AFMID: variants seen among roughly 807,000 people sequenced by gnomAD.
The protein encoded by AFMID is kynurenine formamidase.
In AFMID, 39 loss-of-function variants were observed where a neutral mutation model predicts 47.5. The ratio of observed to expected loss-of-function variants is 0.82; its 90% CI spans 0.64 to 1.07. The LOEUF is 1.07. AFMID is among the 50% of genes least tolerant of loss of function. AFMID has a pLI of 0.00. For synonymous variants in AFMID, 130 were observed against 153.2 expected, an observed-to-expected ratio of 0.85 and a Z score of 1.12; for missense variants, 375 against 387.5, an observed-to-expected ratio of 0.97 and a Z score of 0.27.
At chr17:78,197,337 G>C in intron 2 of AFMID, 1 of 805,744 alleles carries the variant, frequency 1.2e-6, no homozygotes, top group Admixed American at 2.6e-5. Flanking sequence ...CTGAGAGTGC[G>C]TCCTACAGAT....
rs201473119 is a variant in AFMID at position 78,205,558 on chromosome 17, G to A, written c.644+40G>A. ...CACCACCTCCCCTGGCTCACCAGGA[G>A]CCTGGCTCCTCTCTGTCCTGACCCC... On this transcript the variant is annotated intron_variant, in intron 8 of 10. Transcript: ENST00000409257. 1.1e-4 allele frequency: 177 copies of A among 1,614,102 alleles called. No individual in the cohort carries two copies. In the African/African-American group the frequency reaches 2.2e-3, roughly 20 times the overall value.
At chr17:78,187,542 C>T in intron 1 of AFMID, 109 bp downstream of exon 1, 1 of 1,260,644 alleles carries the variant, frequency 7.9e-7, no homozygotes, top group Non-Finnish European at 1.1e-6. Flanking sequence ...CTCCTGTGGG[C>T]ATGCAGAGCG....
chr17:78,199,765 G>A (rs375067872), intron 2 of AFMID, among the ~76,000 whole-genome samples: 134 of 152,272 alleles, frequency 8.8e-4, no homozygotes, highest in South Asian at 6.0e-3. Context: ...GTTAATACAC[G>A]GAGCCCTTTC....
At chr17:78,196,157 G>A (rs2076107733) in intron 2 of AFMID, among the ~76,000 whole-genome samples, 1 of 152,142 alleles carries the variant, frequency 6.6e-6, no homozygotes, top group Non-Finnish European at 1.5e-5. Flanking sequence ...TTGAGGTCAA[G>A]AGTTCACGGC....
intron 2 of AFMID, chr17:78,197,329 G>C: frequency 1.1e-6 from 1 of 881,696 alleles, no homozygotes; most frequent in Non-Finnish European, 1.7e-6. Flanking sequence ...TTCTACCCCT[G>C]AGAGTGCGTC....
At chr17:78,205,806 T>C (rs756933901) in intron 9 of AFMID, 68 bp downstream of exon 9, 68 of 1,600,632 alleles carry the variant, frequency 4.2e-5, no homozygotes, top group Non-Finnish European at 5.2e-5. Flanking sequence ...CCTCTTTCTT[T>C]TACCCAAGTG....
intron 7 of AFMID, 43 bp from the exon 8 acceptor site, chr17:78,205,395 GCT>G: frequency 6.2e-7 from 1 of 1,607,896 alleles, no homozygotes. Flanking sequence ...GCCCTGCCTT[GCT>G]CCGCCTGGAG....
intron 2 of AFMID, among the ~76,000 whole-genome samples, chr17:78,199,370 T>G (rs2076191589): frequency 7.3e-6 from 1 of 137,676 alleles, no homozygotes; most frequent in African/African-American, 2.9e-5. Context: ...AGCACGGTTG[T>G]TTTTTTTTTT....
At chr17:78,206,096 T>C (rs1229158355) in intron 10 of AFMID, 46 bp downstream of exon 10, 2 of 1,545,704 alleles carry the variant, frequency 1.3e-6, no homozygotes, top group Admixed American at 1.7e-5. Flanking sequence ...ACAGCACAGG[T>C]CCTGTCGCAG....
intron 2 of AFMID, among the ~76,000 whole-genome samples, chr17:78,195,229 C>G (rs2076080985): frequency 6.6e-6 from 1 of 151,020 alleles, no homozygotes. Context: ...GAGTCTCACT[C>G]TGTTGCCCAG....
intron 2 of AFMID, among the ~76,000 whole-genome samples, chr17:78,194,197 G>A (rs187490330): frequency 6.6e-6 from 1 of 151,004 alleles, no homozygotes; most frequent in African/African-American, 2.4e-5. Context: ...TGCAACCTCT[G>A]CCTCCTGGGT....
rs369450301 is a variant in AFMID, at chr17:78,191,080, G to A, written c.154+20G>A. The stretch of plus-strand genomic sequence containing the variant: ...TTGAAGGTACTAGTGTGACCTCTCC[G>A]TGGCCGCATTGGGTGTCCTTAAGCA... On this transcript the variant is annotated intron_variant, in intron 2 of 10. Coordinates refer to ENST00000409257, the MANE Select transcript of AFMID (RefSeq NM_001010982.5). 5.7e-5 allele frequency: 92 copies of A among 1,604,700 alleles called. No individual in the cohort carries two copies. In the East Asian group the frequency reaches 1.0e-3, roughly 18 times the overall value.
intron 4 of AFMID, 74 bp downstream of exon 4, chr17:78,202,825 G>T (rs1439531166): frequency 6.6e-7 from 1 of 1,518,408 alleles, no homozygotes. Context: ...CTCCAGGGCT[G>T]CCGCAACCAA....
intron 1 of AFMID, among the ~76,000 whole-genome samples, chr17:78,188,096 C>G (rs1268829057): frequency 6.7e-6 from 1 of 149,308 alleles, no homozygotes; most frequent in African/African-American, 2.5e-5. Flanking sequence ...GGATTCAGAA[C>G]AGCTGGTATT....
chr17:78,199,777 G>A (rs1336780126), intron 2 of AFMID, among the ~76,000 whole-genome samples: 1 of 152,188 alleles, frequency 6.6e-6, no homozygotes, highest in Non-Finnish European at 1.5e-5. Flanking sequence ...AGCCCTTTCT[G>A]AGATGCAGGT....
chr17:78,190,830 T>G (rs1256063150), intron 1 of AFMID, 140 bp from the exon 2 acceptor site: 7 of 693,376 alleles, frequency 1.0e-5, no homozygotes, highest in Non-Finnish European at 1.7e-5. Flanking sequence ...AGACCATGGA[T>G]CTGAGGGCAT....
intron 2 of AFMID, 35 bp downstream of exon 2, chr17:78,191,095 G>A (rs1252374039): frequency 6.4e-7 from 1 of 1,573,630 alleles, no homozygotes; most frequent in East Asian, 2.2e-5. Flanking sequence ...CGCATTGGGT[G>A]TCCTTAAGCA....
chr17:78,189,963 C>T (rs550190904), intron 1 of AFMID, among the ~76,000 whole-genome samples: 2 of 151,402 alleles, frequency 1.3e-5, no homozygotes, highest in East Asian at 3.9e-4. Context: ...TCCTGAGTAG[C>T]TGGGATTACA....
chr17:78,202,511 C>T lies in AFMID; in HGVS notation c.167C>T (p.Ala56Val), dbSNP rs1380849019. The T allele has an allele frequency of 6.2e-7, 1 of 1,614,122 alleles. No homozygotes were observed. Among genetic ancestry groups the T allele is most frequent in the East Asian group, 2.2e-5 (1 of 44,874 alleles). Residue 56 changes from alanine (A) to valine (V), a missense_variant, in exon 3 of 11, where the codon GCC becomes GTC. Coordinates refer to ENST00000409257, the MANE Select transcript of AFMID (RefSeq NM_001010982.5). ...SQIGIEATTR[A>V]RATRKSLLHV... ...ATTTCTGAGACAGCCACCACAAGGG[C>T]CCGGGCCACCAGGAAGAGCCTGCTG...
Sources: allele counts gnomAD v4.1 joint callset (sites outside exome capture counted in the v4.1 genomes callset), GRCh38; gene constraint gnomAD v4.1.1; transcripts MANE v1.5; gene names NCBI Gene and HGNC (gene_info 2026-07-23, HGNC 2026-07-21).